DLGAP1: variants seen among roughly 807,000 people sequenced by gnomAD.
DLGAP1 encodes the protein DLG associated protein 1, also known as disks large-associated protein 1.
DLGAP1 carries 11 observed loss-of-function variants against 90.8 expected under a neutral mutation model. The observed-to-expected ratio is 0.12, with a 90% CI of 0.08 to 0.20. The LOEUF (loss-of-function observed/expected upper bound fraction) is 0.20. DLGAP1 is among the 10% of genes least tolerant of loss of function. The probability of loss-of-function intolerance (pLI) is 1.00; values close to 1 mark genes in which losing one functional copy is unlikely to be tolerated. For missense variants in DLGAP1, 1,050 were observed against 1,333.8 expected, an observed-to-expected ratio of 0.79 and a Z score of 3.31; for synonymous variants, 558 against 540.7, an observed-to-expected ratio of 1.03 and a Z score of -0.44.
intron 1 of DLGAP1, among the ~76,000 whole-genome samples, chr18:4,350,734 CT>C (rs1355792830): frequency 3.3e-5 from 5 of 152,234 alleles, no homozygotes; most frequent in Middle Eastern, 6.8e-3. Flanking sequence ...TAGAGGTCTT[CT>C]TTTGACTTTT....
intron 2 of DLGAP1, among the ~76,000 whole-genome samples, chr18:4,050,025 G>A (rs2075111167): frequency 6.6e-6 from 1 of 152,130 alleles, no homozygotes; most frequent in Non-Finnish European, 1.5e-5. Context: ...TGTGCTTAGT[G>A]GTAGAGAAAC....
At chr18:3,794,133 C>T (rs2148256951) in intron 5 of DLGAP1, among the ~76,000 whole-genome samples, 1 of 152,300 alleles carries the variant, frequency 6.6e-6, no homozygotes, top group East Asian at 1.9e-4. Context: ...CGTCTCCTCC[C>T]TTCTCCTTTG....
intron 4 of DLGAP1, among the ~76,000 whole-genome samples, chr18:3,826,961 T>C (rs1320975231): frequency 6.6e-6 from 1 of 151,886 alleles, no homozygotes; most frequent in Admixed American, 6.6e-5. Flanking sequence ...TGAGAAACAG[T>C]AGTTAAGGGC....
intron 3 of DLGAP1, among the ~76,000 whole-genome samples, chr18:3,902,410 A>T (rs541652167): frequency 6.6e-6 from 1 of 152,366 alleles, no homozygotes; most frequent in East Asian, 1.9e-4. Flanking sequence ...GACCTGGCCA[A>T]AATCATGATG....
At chr18:3,647,840 C>T (rs532526423) in intron 7 of DLGAP1, among the ~76,000 whole-genome samples, 6 of 152,236 alleles carry the variant, frequency 3.9e-5, no homozygotes, top group South Asian at 2.1e-4. Flanking sequence ...GTGGTACAGA[C>T]GGAGTAACTT....
intron 5 of DLGAP1, among the ~76,000 whole-genome samples, chr18:3,768,555 G>T (rs1339246167): frequency 6.6e-6 from 1 of 152,140 alleles, no homozygotes; most frequent in Non-Finnish European, 1.5e-5. Flanking sequence ...ATACTCTATG[G>T]CTACAGTAAT....
intron 3 of DLGAP1, among the ~76,000 whole-genome samples, chr18:3,998,149 TA>T (rs2074106830): frequency 6.6e-6 from 1 of 152,232 alleles, no homozygotes; most frequent in Non-Finnish European, 1.5e-5. Flanking sequence ...ACTCAAATTT[TA>T]AAATTCCTTC....
chr18:4,240,542 G>T (rs1243034762), intron 1 of DLGAP1, among the ~76,000 whole-genome samples: 1 of 152,046 alleles, frequency 6.6e-6, no homozygotes, highest in Non-Finnish European at 1.5e-5. Flanking sequence ...ACTTATGTAA[G>T]ACCAGAATGA....
At chr18:4,101,203 C>A (rs1406377298) in intron 2 of DLGAP1, among the ~76,000 whole-genome samples, 1 of 152,158 alleles carries the variant, frequency 6.6e-6, no homozygotes, top group African/African-American at 2.4e-5. Flanking sequence ...AGACGTGCAA[C>A]TCTTCCTTTC....
chr18:3,827,869 GTGTC>G (rs937743139), intron 4 of DLGAP1, among the ~76,000 whole-genome samples: 5 of 152,164 alleles, frequency 3.3e-5, no homozygotes, highest in African/African-American at 4.8e-5. Flanking sequence ...TACTGTTAGA[GTGTC>G]TGCCACAGTG....
chr18:4,195,554 A>G (rs2077481456), intron 1 of DLGAP1, among the ~76,000 whole-genome samples: 1 of 151,672 alleles, frequency 6.6e-6, no homozygotes, highest in Non-Finnish European at 1.5e-5. Context: ...CTTTTTATCT[A>G]TTTATTTTTT....
chr18:3,922,582 C>A (rs373847608), intron 3 of DLGAP1, among the ~76,000 whole-genome samples: 20 of 152,144 alleles, frequency 1.3e-4, no homozygotes, highest in African/African-American at 3.9e-4. Context: ...TATTGCAAAT[C>A]ATCAAAAAGA....
At chr18:4,226,377 T>A (rs1368286687) in intron 1 of DLGAP1, among the ~76,000 whole-genome samples, 1 of 151,992 alleles carries the variant, frequency 6.6e-6, no homozygotes, top group Non-Finnish European at 1.5e-5. Flanking sequence ...TAACGGTAAA[T>A]GCACAGGAAA....
At chr18:3,511,850 A>G (rs1365264809) in intron 10 of DLGAP1, among the ~76,000 whole-genome samples, 1 of 152,234 alleles carries the variant, frequency 6.6e-6, no homozygotes, top group Non-Finnish European at 1.5e-5. Flanking sequence ...ATTGCAGTAG[A>G]GAATGACTAT....
intron 3 of DLGAP1, among the ~76,000 whole-genome samples, chr18:3,883,491 C>G (rs1179608023): frequency 6.6e-6 from 1 of 152,154 alleles, no homozygotes; most frequent in Non-Finnish European, 1.5e-5. Flanking sequence ...TACAGTCACT[C>G]AAAATTTGTT....
At chr18:4,261,761 T>A (rs1239244450) in intron 1 of DLGAP1, among the ~76,000 whole-genome samples, 1 of 152,210 alleles carries the variant, frequency 6.6e-6, no homozygotes, top group African/African-American at 2.4e-5. Context: ...ATGGGCTCGA[T>A]GTTCCTCATG....
intron 5 of DLGAP1, among the ~76,000 whole-genome samples, chr18:3,742,967 T>TTCCTTCCTTCCTTCCTTCCTTCCC (rs1286476876): frequency 1.3e-5 from 2 of 151,250 alleles, no homozygotes; most frequent in Non-Finnish European, 2.9e-5. Context: ...CCTTCCTTCC[T>TTCCTTCCTTCCTTCCTTCCTTCCC]TCCTTCCTTC....
chr18:4,055,574 C>T (rs1186312592), intron 2 of DLGAP1, among the ~76,000 whole-genome samples: 2 of 152,112 alleles, frequency 1.3e-5, no homozygotes, highest in Non-Finnish European at 2.9e-5. Context: ...CATTAGTTTG[C>T]TTATGGAAAT....
intron 10 of DLGAP1, among the ~76,000 whole-genome samples, chr18:3,516,006 C>T (rs933272348): frequency 6.6e-6 from 1 of 152,132 alleles, no homozygotes; most frequent in Non-Finnish European, 1.5e-5. Context: ...AATTCAGTCA[C>T]ATTTACAGGC....
Sources: allele counts gnomAD v4.1 joint callset (sites outside exome capture counted in the v4.1 genomes callset), GRCh38; gene constraint gnomAD v4.1.1; transcripts MANE v1.5; gene names NCBI Gene and HGNC (gene_info 2026-07-23, HGNC 2026-07-21).